The following MYCBP2 variants were observed in gnomAD, a reference collection of about 807,000 sequenced individuals.
MYCBP2 encodes E3 ubiquitin-protein ligase MYCBP2.
A neutral mutation model predicts 525.3 loss-of-function variants in MYCBP2; 120 were observed. The observed-to-expected ratio is 0.23, with a 90% CI of 0.20 to 0.27. The LOEUF (loss-of-function observed/expected upper bound fraction) is 0.27, where lower values mean the gene tolerates loss of function less well. Ranked by LOEUF, MYCBP2 falls within the 10% of genes least tolerant of loss-of-function variation. The pLI, the probability that MYCBP2 is intolerant of heterozygous loss-of-function variation, is 1.00. For synonymous variants in MYCBP2, 1,894 were observed against 1,955.8 expected (o/e 0.97, Z 0.83); for missense variants, 4,149 against 5,657.1 (o/e 0.73, Z 8.55).
intron 28 of MYCBP2, among the ~76,000 whole-genome samples, chr13:77,190,860 T>G (rs1397307437): frequency 6.6e-6 from 1 of 152,196 alleles, no homozygotes; most frequent in African/African-American, 2.4e-5. Flanking sequence ...AGTCTATTTC[T>G]TTTTTTGGTC....
Position 77,273,644 on chromosome 13 carries a change from T to C in MYCBP2, c.773A>G (p.Glu258Gly). The part of the protein sequence containing the change: ...VLESLFQLLL[E>G]ITVRSTGMND... Reference sequence around the variant, plus strand: ...CATCCCAGTACTTCGAACGGTGATTTCCAAAAGAAGCTGGAAGAGAGACTC... The same window carrying C: ...CATCCCAGTACTTCGAACGGTGATTCCCAAAAGAAGCTGGAAGAGAGACTC... Residue 258 changes from glutamate (E) to glycine (G), a missense_variant, in exon 5 of 83, where the codon GAA becomes GGA. Glu to Gly is a moderately conservative substitution (Grantham distance 98, BLOSUM62 -2). This residue lies in a region of MYCBP2 where 413 missense variants were observed against 451.2 expected (regional missense o/e 0.92). Transcript: ENST00000544440. The C allele has an allele frequency of 3.9e-6, 6 of 1,555,964 alleles. No individual in the cohort carries two copies. Among genetic ancestry groups the C allele is most frequent in the Non-Finnish European group, 5.2e-6 (6 of 1,156,276 alleles).
chr13:77,051,947 C>T, intron 80 of MYCBP2, 29 bp from the exon 81 acceptor site: 2 of 1,582,948 alleles, frequency 1.3e-6, no homozygotes, highest in South Asian at 2.2e-5. Flanking sequence ...TAGATTACAG[C>T]AGGAAAAAAG....
intron 29 of MYCBP2, among the ~76,000 whole-genome samples, chr13:77,189,663 T>C (rs1250276001): frequency 6.6e-6 from 1 of 152,180 alleles, no homozygotes. Context: ...AGTATTGCAG[T>C]AGTCTAGAAA....
chr13:77,058,562 T>G lies in MYCBP2; in HGVS notation c.13141-156A>C, dbSNP rs2038627996. ...AGTAAAGTTATTTCTAATCTTTGTT[T>G]GAATATAAATTAGGCTTCTTAACAA... On this transcript the variant is annotated intron_variant, in intron 77 of 82. Transcript: ENST00000544440. This position sits in a 1 kb window ranked among gnomAD's most constrained non-coding sequence, Gnocchi z 4.1. Among the ~76,000 whole-genome samples, 1 of 152,204 alleles carries G rather than the reference T, an allele frequency of 6.6e-6. No homozygotes were observed. Among genetic ancestry groups the G allele is most frequent in the Admixed American group, 6.5e-5 (1 of 15,288 alleles).
chr13:77,254,108 G>T (rs1334737096), intron 14 of MYCBP2, among the ~76,000 whole-genome samples: 2 of 151,258 alleles, frequency 1.3e-5, no homozygotes, highest in African/African-American at 4.9e-5. Context: ...CTAACAGAAT[G>T]ATGAGAAAAA....
chr13:77,136,133 A>G (rs1243923579), intron 52 of MYCBP2, among the ~76,000 whole-genome samples: 1 of 152,022 alleles, frequency 6.6e-6, no homozygotes, highest in Non-Finnish European at 1.5e-5. Flanking sequence ...TTTATCTTTA[A>G]CTTTGTGAGT....
chr13:77,128,621 C>G (rs1566633764), intron 52 of MYCBP2, among the ~76,000 whole-genome samples: 1 of 151,680 alleles, frequency 6.6e-6, no homozygotes. Flanking sequence ...AATTCTTGTG[C>G]TAAACAGTAT....
chr13:77,126,440 G>A lies in MYCBP2; in HGVS notation c.7762C>T (p.Pro2588Ser). Residue 2588 changes from proline to serine, a missense_variant, in exon 53 of 83, where the codon CCA (proline) becomes TCA (serine). By Grantham distance (74) the Pro-to-Ser change is moderately conservative (BLOSUM62 -1). This residue lies in a region of MYCBP2 where 692 missense variants were observed against 852.7 expected (regional missense o/e 0.81). Coordinates refer to ENST00000544440, the MANE Select transcript of MYCBP2 (RefSeq NM_015057.5). ...EQDMPFLRGGPGMYKVVKTGP... is the reference protein window; with the variant it reads ...EQDMPFLRGGSGMYKVVKTGP... The stretch of plus-strand genomic sequence containing the variant: ...GTCTTCACTACCTTGTACATGCCTG[G>A]CCCTCCTCGCAAGAATGGCATATCT... 6.2e-7 allele frequency: 1 copy of A among 1,613,918 alleles called. No individual in the cohort carries two copies. The highest frequency in any genetic ancestry group is 8.5e-7 in the Non-Finnish European group (1 of 1,179,860).
At chr13:77,324,163 G>C (rs2082021979) in intron 1 of MYCBP2, among the ~76,000 whole-genome samples, 1 of 152,128 alleles carries the variant, frequency 6.6e-6, no homozygotes, top group Non-Finnish European at 1.5e-5. Flanking sequence ...TCAATGACCT[G>C]AAAACGGTTC....
chr13:77,062,781 A>C, intron 73 of MYCBP2, 84 bp from the exon 74 acceptor site: 1 of 1,047,542 alleles, frequency 9.5e-7, no homozygotes, highest in Non-Finnish European at 1.5e-6. Flanking sequence ...CAACAGCTCA[A>C]TAAATGCTGG....
Position 77,134,489 on chromosome 13 carries a change from G to A in MYCBP2, c.7659+4707C>T, listed in dbSNP as rs7988932. On this transcript the variant is annotated intron_variant, in intron 52 of 82. Transcript: ENST00000544440. ...GTGGAGGTTGCAGTGAGCCAAGATC[G>A]TGCCACTGAACTCCAGCTTGGGTGG... 1.9e-3 allele frequency among the ~76,000 whole-genome samples: 286 copies of A among 152,002 alleles called. 2 individuals are homozygous for A. Among genetic ancestry groups the A allele is most frequent in the African/African-American group, 6.6e-3 (272 of 41,420 alleles).
Position 77,205,502 on chromosome 13 carries a change from T to A in MYCBP2, c.3686A>T (p.Glu1229Val). 6.2e-7 allele frequency: 1 copy of A among 1,613,658 alleles called. No homozygotes were observed. The highest frequency in any genetic ancestry group is 8.5e-7 in the Non-Finnish European group (1 of 1,179,814). Residue 1229 changes from glutamate (E) to valine (V), a missense_variant, in exon 25 of 83, where the codon GAA becomes GTA. Coordinates refer to ENST00000544440, the MANE Select transcript of MYCBP2 (RefSeq NM_015057.5). The part of the protein sequence containing the change: ...TQAVMKVYSK[E>V]DYSVVNRFES... ...AAACCTGTTTACCACACTATAATCT[T>A]CTTTAGAATAAACCTTCATTACTGC...
At chr13:77,159,444 C>T (rs1476911331) in intron 44 of MYCBP2, among the ~76,000 whole-genome samples, 1 of 151,800 alleles carries the variant, frequency 6.6e-6, no homozygotes, top group African/African-American at 2.4e-5. Flanking sequence ...TAGATGACAC[C>T]TTATATACCA....
chr13:77,113,415 T>C (rs1049365143), intron 55 of MYCBP2, among the ~76,000 whole-genome samples: 4 of 152,098 alleles, frequency 2.6e-5, no homozygotes, highest in African/African-American at 9.7e-5. Flanking sequence ...CATGGTTTTT[T>C]GTTTTTTTTT....
rs199501276 is a variant in MYCBP2 at position 77,144,528 on chromosome 13, T to C, written c.7220A>G (p.Asn2407Ser). Reference protein sequence around the residue: ...PSENMLIRVNNDGTYCANWTP... With the variant: ...PSENMLIRVNSDGTYCANWTP... ...CCAATTTGCACAATAAGTCCCATCA[T>C]TATTGACACGGATCAGCATATTCTC... Residue 2407 changes from asparagine (N) to serine (S), a missense_variant, in exon 49 of 83, where the codon AAT (asparagine) becomes AGT (serine). Transcript: ENST00000544440. 758 of 1,613,698 alleles carry C rather than the reference T, an allele frequency of 4.7e-4. 2 individuals are homozygous for C. Among genetic ancestry groups the C allele is most frequent in the Admixed American group, 1.7e-3 (101 of 60,010 alleles).
At chr13:77,133,881 T>C (rs1285534481) in intron 52 of MYCBP2, among the ~76,000 whole-genome samples, 2 of 152,196 alleles carry the variant, frequency 1.3e-5, no homozygotes, top group Non-Finnish European at 2.9e-5. Flanking sequence ...TATGTGAATA[T>C]GGTATGTCTA....
chr13:77,140,034 C>A lies in MYCBP2; in HGVS notation c.7518+13G>T, dbSNP rs2054367577. ...GTCCAAAATTTACTACCAAAAGCTCCTTTATCAATTACCTCATCAATAAAA... is the reference window on the plus strand; with the variant it reads ...GTCCAAAATTTACTACCAAAAGCTCATTTATCAATTACCTCATCAATAAAA... On this transcript the variant is annotated intron_variant, in intron 51 of 82. Coordinates refer to ENST00000544440, the MANE Select transcript of MYCBP2 (RefSeq NM_015057.5). The A allele has an allele frequency of 6.4e-7, 1 of 1,561,480 alleles. No homozygotes were observed. The highest frequency in any genetic ancestry group is 8.7e-7 in the Non-Finnish European group (1 of 1,144,856).
intron 13 of MYCBP2, among the ~76,000 whole-genome samples, chr13:77,258,413 A>G (rs1051584772): frequency 2.0e-5 from 3 of 152,318 alleles, no homozygotes; most frequent in South Asian, 4.1e-4. Context: ...TCTATTTAAT[A>G]TGTTTTGTAT....
chr13:77,224,411 A>C, intron 20 of MYCBP2, 40 bp downstream of exon 20: 1 of 1,274,058 alleles, frequency 7.8e-7, no homozygotes, highest in African/African-American at 1.5e-5. Flanking sequence ...AACAGAAGAA[A>C]AAATAACTCT....
Sources: gnomAD v4.1 joint callset for allele counts (sites outside exome capture counted in the v4.1 genomes callset) on GRCh38, gnomAD v4.1.1 for gene constraint, gnomAD v4.1.1 regional missense constraint, Gnocchi (gnomAD v3.1) non-coding constraint, MANE v1.5 for transcripts, NCBI Gene and HGNC (gene_info 2026-07-23, HGNC 2026-07-21) for gene names.